CNMD: variants seen among roughly 807,000 people sequenced by gnomAD.
The protein encoded by CNMD is leukocyte cell-derived chemotaxin 1.
In CNMD, 30 loss-of-function variants were observed where a neutral mutation model predicts 37.5. The observed-to-expected ratio is 0.80, with a 90% CI of 0.60 to 1.09. The LOEUF is 1.09. Ranked by LOEUF, CNMD falls within the 50% of genes least tolerant of loss-of-function variation. CNMD has a pLI of 0.00. For missense variants in CNMD, 398 were observed against 423.9 expected, an observed-to-expected ratio of 0.94 and a Z score of 0.54; for synonymous variants, 167 against 148.2, an observed-to-expected ratio of 1.13 and a Z score of -0.92.
At chr13:52,712,996 A>T in intron 4 of CNMD, 127 bp from the exon 5 acceptor site, 1 of 591,448 alleles carries the variant, frequency 1.7e-6, no homozygotes, top group African/African-American at 1.9e-5. Context: ...ATGCGTGTGT[A>T]CATGTGTGCA....
rs1414746307 is a variant in CNMD, at chr13:52,739,569, C to G, written c.72+61G>C. 6.8e-7 allele frequency: 1 copy of G among 1,469,630 alleles called. No individual in the cohort carries two copies. The highest frequency in any genetic ancestry group is 9.5e-7 in the Non-Finnish European group (1 of 1,049,306). 91.0% of individuals were successfully genotyped at this position (1,469,630 alleles called of 1,614,324 possible). On this transcript the variant is annotated intron_variant, in intron 1 of 6. Coordinates refer to ENST00000377962, the MANE Select transcript of CNMD (RefSeq NM_007015.3). The surrounding 1 kb of genome is among the most constrained non-coding windows in gnomAD (Gnocchi z 5.4). Reference sequence around the variant, plus strand: ...GGTGGCACGCACCCCTGAGTCCGAACTGTGGAACCTGATACTCACACAACC... The same window carrying G: ...GGTGGCACGCACCCCTGAGTCCGAAGTGTGGAACCTGATACTCACACAACC...
At position 52,703,501 on chromosome 13, in the gene CNMD, T is replaced by C; in HGVS notation, c.*94A>G. The C allele has an allele frequency of 2.5e-6, 2 of 806,392 alleles. No homozygotes were observed. Among genetic ancestry groups the C allele is most frequent in the Non-Finnish European group, 4.0e-6 (2 of 495,188 alleles). 50.0% of individuals were successfully genotyped at this position (806,392 alleles called of 1,614,324 possible). ...CCGCTCAGGTTGAGTGTAAAAATAT[T>C]TTGTGGTCCTATCAGCATCAACCTG... On this transcript the variant is annotated 3_prime_UTR_variant, in exon 7 of 7. Coordinates refer to ENST00000377962, the MANE Select transcript of CNMD (RefSeq NM_007015.3).
intron 2 of CNMD, among the ~76,000 whole-genome samples, chr13:52,736,050 G>A (rs1023544452): frequency 2.9e-4 from 44 of 150,160 alleles, no homozygotes; most frequent in Admixed American, 1.0e-3. Context: ...CTGGAGTGCA[G>A]TGGCACAATC....
rs143467237 is a variant in CNMD at position 52,707,326 on chromosome 13, C to A, written c.789+1210G>T. Among the ~76,000 whole-genome samples, 695 of 150,328 alleles carry A rather than the reference C, an allele frequency of 4.6e-3. 5 individuals are homozygous for A. The highest frequency in any genetic ancestry group is 0.016 in the African/African-American group (656 of 41,530). On this transcript the variant is annotated intron_variant, in intron 6 of 6. Transcript: ENST00000377962. ...CCTCGTGTCATCCTCACAAACATCA[C>A]TTTTCAGTGTTTCAGCCTAAAGCGT... is the stretch of plus-strand genomic sequence containing the variant.
intron 4 of CNMD, among the ~76,000 whole-genome samples, chr13:52,715,427 A>G (rs563637459): frequency 7.7e-4 from 117 of 152,188 alleles, no homozygotes; most frequent in African/African-American, 2.5e-3. Flanking sequence ...AGGTATACAC[A>G]TGCCATGGTG....
intron 6 of CNMD, 91 bp from the exon 7 acceptor site, chr13:52,703,901 A>C (rs1964132035): frequency 9.1e-7 from 1 of 1,099,664 alleles, no homozygotes; most frequent in Non-Finnish European, 1.3e-6. Context: ...TGAATTTTTC[A>C]CTGCTACAGG....
chr13:52,712,978 T>C (rs760591570), intron 4 of CNMD, 109 bp from the exon 5 acceptor site: 44 of 781,876 alleles, frequency 5.6e-5, no homozygotes, highest in Non-Finnish European at 7.9e-5. Flanking sequence ...TTAATGAGAA[T>C]TCCGAGCATG....
At chr13:52,722,393 C>A (rs1964499360) in intron 4 of CNMD, among the ~76,000 whole-genome samples, 1 of 152,116 alleles carries the variant, frequency 6.6e-6, no homozygotes, top group African/African-American at 2.4e-5. Flanking sequence ...CTTGAGGGAG[C>A]TGATACTTGC....
chr13:52,703,920 A>G (rs952424006), intron 6 of CNMD, 110 bp from the exon 7 acceptor site: 4 of 867,258 alleles, frequency 4.6e-6, no homozygotes, highest in East Asian at 2.6e-5. Context: ...GGAAGGTGTA[A>G]TCTGTAAAGG....
chr13:52,722,087 A>C (rs1198574968), intron 4 of CNMD, among the ~76,000 whole-genome samples: 1 of 152,136 alleles, frequency 6.6e-6, no homozygotes, highest in East Asian at 1.9e-4. Context: ...ACATACTTGC[A>C]CCGAGAAGAC....
intron 5 of CNMD, among the ~76,000 whole-genome samples, chr13:52,711,466 C>T (rs917504760): frequency 6.6e-6 from 1 of 152,160 alleles, no homozygotes; most frequent in Non-Finnish European, 1.5e-5. Context: ...CCAGCCAGCC[C>T]CTGCTGACTG....
In CNMD at chr13:52,739,558, C is replaced by G. The variant is rs972419314; in HGVS notation, c.72+72G>C. 2.9e-6 allele frequency: 4 copies of G among 1,388,116 alleles called. No homozygotes were observed. In the South Asian group the frequency reaches 3.5e-5, roughly 12 times the overall value. The allele number at this position is 1,388,116 out of a possible 1,614,324, so 86.0% of individuals were successfully genotyped here. The stretch of plus-strand genomic sequence containing the variant: ...CACACCCATTCGGTGGCACGCACCC[C>G]TGAGTCCGAACTGTGGAACCTGATA... On this transcript the variant is annotated intron_variant, in intron 1 of 6. Coordinates refer to ENST00000377962, the MANE Select transcript of CNMD (RefSeq NM_007015.3). This position sits in a 1 kb window ranked among gnomAD's most constrained non-coding sequence, Gnocchi z 5.4.
chr13:52,737,720 A>G lies in CNMD; in HGVS notation c.213+1311T>C, dbSNP rs138009890. ...ACATTCTAAAACCACAGAATTTCCCAAAGAGATGACAATCTAAACCCTGCT... is the reference window on the plus strand; with the variant it reads ...ACATTCTAAAACCACAGAATTTCCCGAAGAGATGACAATCTAAACCCTGCT... On this transcript the variant is annotated intron_variant, in intron 2 of 6. Transcript: ENST00000377962. Among the ~76,000 whole-genome samples, 470 of 152,360 alleles carry G rather than the reference A, an allele frequency of 3.1e-3. 1 individual carries two copies. The highest frequency in any genetic ancestry group is 0.011 in the African/African-American group (447 of 41,580).
chr13:52,705,623 G>A (rs74520663), intron 6 of CNMD, among the ~76,000 whole-genome samples: 3,848 of 152,220 alleles, frequency 0.025, 67 homozygotes, highest in Non-Finnish European at 0.037. Context: ...TTGAAAGGTT[G>A]GGAGGAAATC....
At position 52,739,002 on chromosome 13, in the gene CNMD, G is replaced by T; in HGVS notation, c.213+29C>A. On this transcript the variant is annotated intron_variant, in intron 2 of 6. Transcript: ENST00000377962. The surrounding 1 kb of genome is among the most constrained non-coding windows in gnomAD (Gnocchi z 5.4). ...CTAGGGGCACCATGGGCGACACGGG[G>T]GTCCCCGCGCGCCGCCCTCTGGACT... 1.3e-6 allele frequency: 2 copies of T among 1,541,416 alleles called. No individual in the cohort carries two copies. The highest frequency in any genetic ancestry group is 1.7e-6 in the Non-Finnish European group (2 of 1,150,710).
chr13:52,716,344 T>G (rs1486844424), intron 4 of CNMD, among the ~76,000 whole-genome samples: 1 of 152,222 alleles, frequency 6.6e-6, no homozygotes, highest in Non-Finnish European at 1.5e-5. Flanking sequence ...CAGAAGCTCT[T>G]TAATTTAATT....
intron 2 of CNMD, among the ~76,000 whole-genome samples, chr13:52,735,719 T>C (rs1964746698): frequency 6.6e-6 from 1 of 151,654 alleles, no homozygotes; most frequent in East Asian, 1.9e-4. Flanking sequence ...TTTAAGAAAG[T>C]TTACGAATTT....
intron 2 of CNMD, among the ~76,000 whole-genome samples, chr13:52,735,958 G>A (rs1345628926): frequency 6.7e-6 from 1 of 149,502 alleles, no homozygotes; most frequent in Non-Finnish European, 1.5e-5. Flanking sequence ...GCCTCCCAGG[G>A]AGCTGGGACT....
At chr13:52,708,842 TTGTA>T in intron 5 of CNMD, 140 bp from the exon 6 acceptor site, 1 of 634,412 alleles carries the variant, frequency 1.6e-6, no homozygotes. Flanking sequence ...GTACTGATGT[TTGTA>T]GTAATAAAAC....
Sources: allele counts gnomAD v4.1 joint callset (sites outside exome capture counted in the v4.1 genomes callset), GRCh38; gene constraint gnomAD v4.1.1; non-coding constraint Gnocchi (gnomAD v3.1); transcripts MANE v1.5; gene names NCBI Gene and HGNC (gene_info 2026-07-23, HGNC 2026-07-21).